Variants in MTCL3 observed in about 807,000 individuals in gnomAD.
MTCL3 encodes the protein microtubule cross-linking factor 3.
At chr6:127,515,666 C>T in the MTCL3 span, 10 of 1,500,868 alleles carry the variant, frequency 6.7e-6, no homozygotes, top group Admixed American at 7.2e-5. The surrounding 1 kb of genome is among the most constrained non-coding windows in gnomAD (Gnocchi z 4.3). Flanking sequence ...TGCTGGGGGC[C>T]CTCCGCCGCC....
the MTCL3 span, chr6:127,515,797 G>A: frequency 2.5e-6 from 4 of 1,608,148 alleles, no homozygotes; most frequent in South Asian, 3.3e-5. This position sits in a 1 kb window ranked among gnomAD's most constrained non-coding sequence, Gnocchi z 4.3. Flanking sequence ...AGCCGCGGCC[G>A]CCGCCGCTGC....
At chr6:127,493,538 A>G in the MTCL3 span, among the ~76,000 whole-genome samples, 5 of 152,186 alleles carry the variant, frequency 3.3e-5, no homozygotes, top group Admixed American at 6.5e-5. Flanking sequence ...GAGGAGGTAT[A>G]TCTGGCATAC....
chr6:127,483,901 C>T, the MTCL3 span, among the ~76,000 whole-genome samples: 1 of 152,148 alleles, frequency 6.6e-6, no homozygotes, highest in African/African-American at 2.4e-5. Flanking sequence ...GAAGCTGAAA[C>T]TTAGCAGGGG....
At chr6:127,475,340 T>C in the MTCL3 span, 11 of 1,612,820 alleles carry the variant, frequency 6.8e-6, no homozygotes, top group East Asian at 2.2e-5. The surrounding 1 kb of genome is among the most constrained non-coding windows in gnomAD (Gnocchi z 7.3). Flanking sequence ...TCCGCAGACT[T>C]GGGCACCTCG....
the MTCL3 span, among the ~76,000 whole-genome samples, chr6:127,496,393 A>AAT: frequency 2.6e-5 from 4 of 151,988 alleles, no homozygotes; most frequent in African/African-American, 9.7e-5. Flanking sequence ...ATCTGAGAAA[A>AAT]TTTTTTTTTA....
At chr6:127,512,873 A>G in the MTCL3 span, 2 of 1,602,846 alleles carry the variant, frequency 1.2e-6, no homozygotes, top group Non-Finnish European at 1.7e-6. Flanking sequence ...GTACACCATG[A>G]AATAATCAAA....
At chr6:127,480,082 T>C in the MTCL3 span, among the ~76,000 whole-genome samples, 20 of 152,300 alleles carry the variant, frequency 1.3e-4, no homozygotes, top group South Asian at 1.9e-3. Flanking sequence ...CAATTGAAGA[T>C]ACAAATTACA....
chr6:127,512,347 C>A, the MTCL3 span, among the ~76,000 whole-genome samples: 1 of 152,034 alleles, frequency 6.6e-6, no homozygotes, highest in Admixed American at 6.5e-5. Flanking sequence ...TGATATGATA[C>A]AATTGGCTGC....
At chr6:127,516,406 A>G in the MTCL3 span, 1 of 1,600,578 alleles carries the variant, frequency 6.2e-7, no homozygotes. Flanking sequence ...CTGCTGCCGA[A>G]CAGAATTGAG....
the MTCL3 span, among the ~76,000 whole-genome samples, chr6:127,502,727 CT>C: frequency 2.0e-5 from 3 of 152,164 alleles, no homozygotes; most frequent in Non-Finnish European, 4.4e-5. Context: ...ACAGTAACAT[CT>C]GATATGGTAC....
chr6:127,487,141 T>C, the MTCL3 span, among the ~76,000 whole-genome samples: 1 of 152,228 alleles, frequency 6.6e-6, no homozygotes, highest in Non-Finnish European at 1.5e-5. Flanking sequence ...AATGGATTTA[T>C]CGCTCAGCTA....
chr6:127,481,980 C>T, the MTCL3 span, among the ~76,000 whole-genome samples: 1 of 152,176 alleles, frequency 6.6e-6, no homozygotes, highest in African/African-American at 2.4e-5. Context: ...CCCACCAGTG[C>T]CATGACAGTT....
the MTCL3 span, chr6:127,516,338 C>T: frequency 4.4e-6 from 7 of 1,586,012 alleles, no homozygotes; most frequent in African/African-American, 1.3e-5. Context: ...CGGATGCTGG[C>T]GGGCGGCCCC....
At chr6:127,482,866 C>T in the MTCL3 span, 2 of 1,405,734 alleles carry the variant, frequency 1.4e-6, no homozygotes, top group Non-Finnish European at 2.0e-6. This position sits in a 1 kb window ranked among gnomAD's most constrained non-coding sequence, Gnocchi z 4.1. Context: ...TGATTATATA[C>T]ACTTAGAGGT....
the MTCL3 span, among the ~76,000 whole-genome samples, chr6:127,510,266 T>A: frequency 0.064 from 9,811 of 152,302 alleles, 373 homozygotes; most frequent in East Asian, 0.11. Flanking sequence ...ATTGCCTCTT[T>A]GGTATGAATA....
At chr6:127,477,372 G>T in the MTCL3 span, among the ~76,000 whole-genome samples, 10 of 152,112 alleles carry the variant, frequency 6.6e-5, no homozygotes, top group Admixed American at 2.0e-4. Context: ...TTCTCTGAGG[G>T]ATATTACTGA....
the MTCL3 span, chr6:127,473,229 A>T: frequency 6.9e-7 from 1 of 1,441,068 alleles, no homozygotes; most frequent in Non-Finnish European, 9.1e-7. Context: ...TTGAAGGGTG[A>T]ACAAAATAAA....
chr6:127,489,667 C>A, the MTCL3 span, among the ~76,000 whole-genome samples: 1 of 152,274 alleles, frequency 6.6e-6, no homozygotes, highest in South Asian at 2.1e-4. Context: ...CCCACAACAT[C>A]CCCTTAAGCC....
chr6:127,476,589 G>A, the MTCL3 span: 1 of 754,522 alleles, frequency 1.3e-6, no homozygotes. The surrounding 1 kb of genome is among the most constrained non-coding windows in gnomAD (Gnocchi z 4.4). Flanking sequence ...ATGACAGAGA[G>A]AAACAGAAGC....
Sources: gnomAD v4.1 joint callset for allele counts (sites outside exome capture counted in the v4.1 genomes callset) on GRCh38, gnomAD v4.1.1 for gene constraint, Gnocchi (gnomAD v3.1) non-coding constraint, MANE v1.5 for transcripts, NCBI Gene and HGNC (gene_info 2026-07-23, HGNC 2026-07-21) for gene names.